The following NCKAP1 variants were observed in gnomAD, a reference collection of about 807,000 sequenced individuals.
NCKAP1 encodes nck-associated protein 1.
Under a neutral mutation model 151.2 loss-of-function variants are expected in NCKAP1, and 21 were observed. The observed-to-expected ratio is 0.14, with a 90% CI of 0.10 to 0.20. NCKAP1 has a LOEUF of 0.20. NCKAP1 is among the 10% of genes least tolerant of loss of function. The pLI is 1.00. For synonymous variants in NCKAP1, 484 were observed against 451.8 expected, an observed-to-expected ratio of 1.07 and a Z score of -0.90; for missense variants, 933 against 1,352.1, an observed-to-expected ratio of 0.69 and a Z score of 4.86.
chr2:183,012,467 T>C (rs1298203890), intron 2 of NCKAP1, among the ~76,000 whole-genome samples: 1 of 152,196 alleles, frequency 6.6e-6, no homozygotes. Flanking sequence ...TCTGTTGTTC[T>C]TGGGAGATTT....
chr2:183,009,463 G>C (rs1274366861), intron 2 of NCKAP1, among the ~76,000 whole-genome samples: 9 of 147,228 alleles, frequency 6.1e-5, no homozygotes, highest in South Asian at 2.2e-4. Flanking sequence ...AGGAAGGAAG[G>C]AAGGAAGGAA....
At chr2:182,990,577 C>T (rs2063873) in intron 8 of NCKAP1, among the ~76,000 whole-genome samples, 150,263 of 152,262 alleles carry the variant, frequency 0.99, 74,173 homozygotes, top group East Asian at 1. Flanking sequence ...TCTAGTCTTC[C>T]ATACTAGGAC....
At chr2:183,022,949 A>G (rs1215457518) in intron 2 of NCKAP1, 2 of 152,244 alleles carry the variant, frequency 1.3e-5, no homozygotes, top group Non-Finnish European at 2.9e-5. Flanking sequence ...CAATTGAGAT[A>G]ACTCACTATT....
intron 2 of NCKAP1, among the ~76,000 whole-genome samples, chr2:183,011,659 G>A (rs12617567): frequency 0.33 from 49,803 of 151,980 alleles, 11,442 homozygotes; most frequent in African/African-American, 0.65. Context: ...TTATTCATTC[G>A]TCAGTTAATA....
At chr2:182,988,483 T>C (rs1698102012) in intron 9 of NCKAP1, among the ~76,000 whole-genome samples, 1 of 152,116 alleles carries the variant, frequency 6.6e-6, no homozygotes, top group African/African-American at 2.4e-5. Flanking sequence ...AATAAAGTTA[T>C]TAAAAATTTC....
At position 183,006,209 on chromosome 2, in the gene NCKAP1, T is replaced by C. The variant is rs76940875; in HGVS notation, c.220-2884A>G. 9.2e-3 allele frequency among the ~76,000 whole-genome samples: 1,409 copies of C among 152,334 alleles called. 10 individuals are homozygous for C. Among genetic ancestry groups the C allele is most frequent in the Non-Finnish European group, 0.013 (905 of 68,030 alleles). On this transcript the variant is annotated intron_variant, in intron 2 of 30. Coordinates refer to ENST00000361354, the MANE Select transcript of NCKAP1 (RefSeq NM_013436.5). ...TGATGCTAGAAAGCATACCTTATTA[T>C]GCAACCATGGTTAAATGACTTAACA...
chr2:182,966,923 A>G (rs1482996997), intron 16 of NCKAP1, among the ~76,000 whole-genome samples: 1 of 152,172 alleles, frequency 6.6e-6, no homozygotes, highest in African/African-American at 2.4e-5. Flanking sequence ...TAATCATGCA[A>G]AGAAGGGCCT....
chr2:182,938,102 A>C (rs759552964), intron 24 of NCKAP1, among the ~76,000 whole-genome samples: 1 of 152,234 alleles, frequency 6.6e-6, no homozygotes, highest in Non-Finnish European at 1.5e-5. Flanking sequence ...AATAATTTAC[A>C]TGCTTAACAA....
At chr2:182,955,891 T>G (rs575025563) in intron 20 of NCKAP1, among the ~76,000 whole-genome samples, 5 of 152,316 alleles carry the variant, frequency 3.3e-5, no homozygotes, top group South Asian at 2.1e-4. Context: ...ATGAAATACA[T>G]TGATTTGCTC....
At chr2:182,938,378 T>A (rs1397367357) in intron 24 of NCKAP1, among the ~76,000 whole-genome samples, 1 of 151,444 alleles carries the variant, frequency 6.6e-6, no homozygotes, top group African/African-American at 2.4e-5. Flanking sequence ...TATTGGCAAA[T>A]AAAGAAAATA....
At position 182,915,379 on chromosome 2, in the gene NCKAP1, C is replaced by T. The variant is rs1696451371; in HGVS notation, c.*10323G>A. 6.6e-6 allele frequency: 1 copy of T among 152,196 alleles called. No homozygotes were observed. The highest frequency in any genetic ancestry group is 2.1e-4 in the South Asian group (1 of 4,822). The allele number at this position is 152,196 out of a possible 1,614,324, so 9.4% of individuals were successfully genotyped here. A position where few individuals can be genotyped will look rare whatever the true frequency, so the allele number is the denominator to read the frequency against. On this transcript the variant is annotated 3_prime_UTR_variant, in exon 31 of 31. Transcript: ENST00000361354. ...TCCTTCAAACTACAGGCATGATATT[C>T]CTTCACTTGCCAGCAACCCTTGGAC...
intron 9 of NCKAP1, 60 bp from the exon 10 acceptor site, chr2:182,986,287 T>C (rs1422947492): frequency 7.6e-7 from 1 of 1,318,184 alleles, no homozygotes; most frequent in Non-Finnish European, 1.1e-6. Context: ...TCAAAATGAG[T>C]AAGTCTAATA....
At chr2:182,954,075 T>G (rs775424143) in intron 20 of NCKAP1, among the ~76,000 whole-genome samples, 1 of 152,050 alleles carries the variant, frequency 6.6e-6, no homozygotes, top group Non-Finnish European at 1.5e-5. Flanking sequence ...TATCACTATA[T>G]CTCCCAGAGG....
Position 182,953,311 on chromosome 2 carries a change from ATAGTCAT to A in NCKAP1, c.2167_2173del (p.Met723CysfsTer16). 6.2e-7 allele frequency: 1 copy of A among 1,612,598 alleles called. No individual in the cohort carries two copies. The highest frequency in any genetic ancestry group is 8.5e-7 in the Non-Finnish European group (1 of 1,178,992). ...AATTTCCTGTGTGGCTTGATTATAC[ATAGTCAT>A]CCCAACAATTGACCTGGGAAGAAGG... On this transcript the variant is annotated frameshift_variant, in exon 21 of 31. Coordinates refer to ENST00000361354, the MANE Select transcript of NCKAP1 (RefSeq NM_013436.5). LOFTEE classifies it high-confidence loss of function.
At chr2:182,939,144 G>C (rs756992292) in intron 24 of NCKAP1, among the ~76,000 whole-genome samples, 1 of 152,224 alleles carries the variant, frequency 6.6e-6, no homozygotes, top group South Asian at 2.1e-4. Context: ...TCAGTAAAGC[G>C]ATGAACCTAG....
intron 17 of NCKAP1, among the ~76,000 whole-genome samples, chr2:182,963,412 C>T (rs1484312627): frequency 1.3e-5 from 2 of 152,050 alleles, no homozygotes; most frequent in African/African-American, 4.8e-5. Flanking sequence ...TTCACTACTC[C>T]GTTTCAACAG....
intron 2 of NCKAP1, among the ~76,000 whole-genome samples, chr2:183,016,795 G>C (rs1698696684): frequency 6.6e-6 from 1 of 152,278 alleles, no homozygotes; most frequent in Non-Finnish European, 1.5e-5. Flanking sequence ...GGAGGTTGGA[G>C]GGAGGGAGGA....
chr2:183,002,876 A>G (rs1698400353), intron 4 of NCKAP1, 98 bp downstream of exon 4: 1 of 776,676 alleles, frequency 1.3e-6, no homozygotes, highest in Non-Finnish European at 2.1e-6. Context: ...CTAAAACTTT[A>G]TATGCTAGTT....
At chr2:182,934,427 G>C (rs148662505) in intron 26 of NCKAP1, 2 of 160,972 alleles carry the variant, frequency 1.2e-5, no homozygotes, top group African/African-American at 4.8e-5. Flanking sequence ...GATTACAGGC[G>C]TGAGCCACCG....
Sources: gnomAD v4.1 joint callset for allele counts (sites outside exome capture counted in the v4.1 genomes callset) on GRCh38, gnomAD v4.1.1 for gene constraint, MANE v1.5 for transcripts, NCBI Gene and HGNC (gene_info 2026-07-23, HGNC 2026-07-21) for gene names.